Variants in CELSR1 observed in about 807,000 individuals in gnomAD.
CELSR1 encodes the protein adhesion G protein-coupled receptor C1.
CELSR1 carries 110 observed loss-of-function variants against 249.1 expected under a neutral mutation model. The observed-to-expected ratio is 0.44, with a 90% confidence interval of 0.38 to 0.52. CELSR1 has a LOEUF of 0.52. Among genes scored for constraint, CELSR1 ranks in the 20% least tolerant of loss-of-function variants. The pLI, the probability that CELSR1 is intolerant of heterozygous loss-of-function variation, is 0.00. For synonymous variants in CELSR1, 2,113 were observed against 1,900.0 expected (o/e 1.11, Z -2.92); for missense variants, 4,109 against 4,296.4 (o/e 0.96, Z 1.22).
In CELSR1 at chr22:46,374,929, C is replaced by T. The variant is rs1053412018; in HGVS notation, c.7585-1872G>A. Among the ~76,000 whole-genome samples the T allele has an allele frequency of 6.6e-6, 1 of 152,082 alleles. No homozygotes were observed. Among genetic ancestry groups the T allele is most frequent in the Non-Finnish European group, 1.5e-5 (1 of 68,014 alleles). On this transcript the variant is annotated intron_variant, in intron 24 of 34. Coordinates refer to ENST00000674500, the MANE Select transcript of CELSR1 (RefSeq NM_001378328.1). The surrounding 1 kb of genome is among the most constrained non-coding windows in gnomAD (Gnocchi z 4.3). ...GCCTCGGGAAGCACCTGGGAGGCGGCGGGGAAGGTTGGCCCTGGCTGGTCT... is the reference window on the plus strand; with the variant it reads ...GCCTCGGGAAGCACCTGGGAGGCGGTGGGGAAGGTTGGCCCTGGCTGGTCT...
At position 46,423,694 on chromosome 22, in the gene CELSR1, C is replaced by T. The variant is rs1175294149; in HGVS notation, c.4611+9699G>A. Among the ~76,000 whole-genome samples the T allele has an allele frequency of 2.6e-5, 4 of 151,416 alleles. No homozygotes were observed. Among genetic ancestry groups the T allele is most frequent in the Non-Finnish European group, 2.9e-5 (2 of 67,938 alleles). ...ATGAGCACTATTAACAAGTATGGGC[C>T]GGGTGCGGTGGCTCACGCCTATAAT... On this transcript the variant is annotated intron_variant, in intron 5 of 34. Coordinates refer to ENST00000674500, the MANE Select transcript of CELSR1 (RefSeq NM_001378328.1). This position sits in a 1 kb window ranked among gnomAD's most constrained non-coding sequence, Gnocchi z 5.6.
At position 46,520,912 on chromosome 22, in the gene CELSR1, C is replaced by A. The variant is rs1225989501; in HGVS notation, c.3544+12715G>T. ...TGTCCCCTCCCCACCCCCTGGCAAC[C>A]ACCATTCTACTTCCTGTCTCTATGA... On this transcript the variant is annotated intron_variant, in intron 1 of 34. Coordinates refer to ENST00000674500, the MANE Select transcript of CELSR1 (RefSeq NM_001378328.1). 3.3e-5 allele frequency among the ~76,000 whole-genome samples: 5 copies of A among 152,310 alleles called. No homozygotes were observed. The East Asian group carries it at 9.7e-4, about 29-fold the overall frequency.
At position 46,390,551 on chromosome 22, in the gene CELSR1, C is replaced by G. The variant is rs1325151025; in HGVS notation, c.6251-65G>C. The G allele has an allele frequency of 2.3e-6, 3 of 1,281,518 alleles. No homozygotes were observed. The African/African-American group carries it at 4.4e-5, about 19-fold the overall frequency. 79.4% of individuals were successfully genotyped at this position (1,281,518 alleles called of 1,614,324 possible). A position where few individuals can be genotyped will look rare whatever the true frequency, so the allele number is the denominator to read the frequency against. ...ACTGTTGATCAATGCTTGTGTATTTCAATCCACAATCTGAATATACTTAAA... is the reference window on the plus strand; with the variant it reads ...ACTGTTGATCAATGCTTGTGTATTTGAATCCACAATCTGAATATACTTAAA... On this transcript the variant is annotated intron_variant, in intron 16 of 34. Coordinates refer to ENST00000674500, the MANE Select transcript of CELSR1 (RefSeq NM_001378328.1). The surrounding 1 kb of genome is among the most constrained non-coding windows in gnomAD (Gnocchi z 6.3).
At chr22:46,497,561 T>C (rs1234485531) in intron 1 of CELSR1, among the ~76,000 whole-genome samples, 1 of 152,238 alleles carries the variant, frequency 6.6e-6, no homozygotes, top group Non-Finnish European at 1.5e-5. Flanking sequence ...TATGTCTGTG[T>C]ATTCTCCTGC....
chr22:46,398,502 G>T lies in CELSR1; in HGVS notation c.5526+22C>A. 1.2e-6 allele frequency: 1 copy of T among 833,882 alleles called. No homozygotes were observed. The highest frequency in any genetic ancestry group is 1.9e-6 in the Non-Finnish European group (1 of 517,414). 51.7% of individuals were successfully genotyped at this position (833,882 alleles called of 1,614,324 possible). A position where few individuals can be genotyped will look rare whatever the true frequency, so the allele number is the denominator to read the frequency against. On this transcript the variant is annotated intron_variant, in intron 11 of 34. Coordinates refer to ENST00000674500, the MANE Select transcript of CELSR1 (RefSeq NM_001378328.1). This position sits in a 1 kb window ranked among gnomAD's most constrained non-coding sequence, Gnocchi z 7.2. ...GCCTGTGAGGGGCAGGCCTCCCCCC[G>T]CCCCCCACAACCCCCACGCACCTGC...
At chr22:46,451,043 C>G (rs2079877788) in intron 2 of CELSR1, among the ~76,000 whole-genome samples, 1 of 152,204 alleles carries the variant, frequency 6.6e-6, no homozygotes, top group Non-Finnish European at 1.5e-5. Flanking sequence ...CCCCTCCATG[C>G]CCCACTCCCT....
intron 1 of CELSR1, among the ~76,000 whole-genome samples, chr22:46,502,017 C>G (rs2080470863): frequency 6.6e-6 from 1 of 151,990 alleles, no homozygotes; most frequent in South Asian, 2.1e-4. Context: ...GTAACCCCAG[C>G]ACCTTGGGAG....
Position 46,412,971 on chromosome 22 carries a change from C to T in CELSR1, c.4612-1212G>A, listed in dbSNP as rs951129419. 2.5e-4 allele frequency among the ~76,000 whole-genome samples: 38 copies of T among 152,314 alleles called. No individual in the cohort carries two copies. Among genetic ancestry groups the T allele is most frequent in the African/African-American group, 8.9e-4 (37 of 41,576 alleles). On this transcript the variant is annotated intron_variant, in intron 5 of 34. Transcript: ENST00000674500. This position sits in a 1 kb window ranked among gnomAD's most constrained non-coding sequence, Gnocchi z 4.5. ...GCGCAGCAGAGCCTCCCCCTCCACCCCAGAGAGAACCTTTTCTTCCAGTCC... is the reference window on the plus strand; with the variant it reads ...GCGCAGCAGAGCCTCCCCCTCCACCTCAGAGAGAACCTTTTCTTCCAGTCC...
At chr22:46,461,595 C>A (rs1255001283) in intron 2 of CELSR1, among the ~76,000 whole-genome samples, 1 of 152,234 alleles carries the variant, frequency 6.6e-6, no homozygotes, top group African/African-American at 2.4e-5. Context: ...GTGGTGGGTG[C>A]TTGCACAGTC....
At position 46,430,096 on chromosome 22, in the gene CELSR1, C is replaced by CT. The variant is rs2079577120; in HGVS notation, c.4611+3296dup. 6.6e-6 allele frequency among the ~76,000 whole-genome samples: 1 copy of CT among 152,218 alleles called. No homozygotes were observed. Among genetic ancestry groups the CT allele is most frequent in the African/African-American group, 2.4e-5 (1 of 41,448 alleles). ...CGTGGAGGCAGTGCAGGAGGCCACT[C>CT]TGACAGGCAACACCCGGGAGATCAT... On this transcript the variant is annotated intron_variant, in intron 5 of 34. Coordinates refer to ENST00000674500, the MANE Select transcript of CELSR1 (RefSeq NM_001378328.1). The surrounding 1 kb of genome is among the most constrained non-coding windows in gnomAD (Gnocchi z 4.6).
chr22:46,459,497 G>C (rs754754479), intron 2 of CELSR1, among the ~76,000 whole-genome samples: 2 of 152,190 alleles, frequency 1.3e-5, no homozygotes, highest in African/African-American at 4.8e-5. Flanking sequence ...AAACCTGGCC[G>C]GCCGTTGACC....
chr22:46,409,235 G>A lies in CELSR1; in HGVS notation c.5060-73C>T, dbSNP rs905313567. On this transcript the variant is annotated intron_variant, in intron 8 of 34. Coordinates refer to ENST00000674500, the MANE Select transcript of CELSR1 (RefSeq NM_001378328.1). The surrounding 1 kb of genome is among the most constrained non-coding windows in gnomAD (Gnocchi z 9.8). The stretch of plus-strand genomic sequence containing the variant: ...GCCGCGGACTTGGCTGCAGGGGCGG[G>A]GGATGGGCCTGCAGGCTAGGCCTGG... 13 of 1,515,388 alleles carry A rather than the reference G, an allele frequency of 8.6e-6. No homozygotes were observed. The African/African-American group carries it at 1.7e-4, about 19-fold the overall frequency. The allele number at this position is 1,515,388 out of a possible 1,614,324, so 93.9% of individuals were successfully genotyped here. A position where few individuals can be genotyped will look rare whatever the true frequency, so the allele number is the denominator to read the frequency against.
rs374203684 is a variant in CELSR1, at chr22:46,391,654, C to A, written c.6127G>T (p.Val2043Phe). The A allele has an allele frequency of 5.6e-6, 9 of 1,605,136 alleles. No individual in the cohort carries two copies. The highest frequency in any genetic ancestry group is 1.3e-5 in the African/African-American group (1 of 74,820). ...CNRCDNPFAE[V>F]TTLGCEVIYN... ...GGACCTTCACAGCCGAGCGTGGTGA[C>A]CTCGGCAAACGGGTTGTCGCAGCGG... The change falls in exon 15 of 35, where the codon GTC (valine) becomes TTC (phenylalanine). Residue 2043 changes from valine to phenylalanine, a missense_variant. Transcript: ENST00000674500. This position sits in a 1 kb window ranked among gnomAD's most constrained non-coding sequence, Gnocchi z 4.3.
In CELSR1 at chr22:46,389,813, G is replaced by A. The variant is rs188772893; in HGVS notation, c.6346-314C>T. On this transcript the variant is annotated intron_variant, in intron 17 of 34. Transcript: ENST00000674500. ...TTTTAAAAATAAAAAAATTAGCAGGGTGTGGTGGTGGGCACCTGTAAGTCC... is the reference window on the plus strand; with the variant it reads ...TTTTAAAAATAAAAAAATTAGCAGGATGTGGTGGTGGGCACCTGTAAGTCC... Among the ~76,000 whole-genome samples, 33 of 152,190 alleles carry A rather than the reference G, an allele frequency of 2.2e-4. 2 individuals carry two copies. In the East Asian group the frequency reaches 6.0e-3, roughly 28 times the overall value.
intron 18 of CELSR1, among the ~76,000 whole-genome samples, chr22:46,387,654 C>T (rs972498378): frequency 2.0e-5 from 3 of 152,238 alleles, no homozygotes; most frequent in Non-Finnish European, 2.9e-5. Context: ...CGACCGCGCC[C>T]GGCCAGAAGT....
In CELSR1 at chr22:46,365,252, C is replaced by T. The variant is rs542894795; in HGVS notation, c.8533G>A (p.Ala2845Thr). 50 of 1,612,156 alleles carry T rather than the reference C, an allele frequency of 3.1e-5. No individual in the cohort carries two copies. The South Asian group carries it at 3.4e-4, about 11-fold the overall frequency. Residue 2845 changes from alanine (A) to threonine (T), a missense_variant, in exon 32 of 35, where the codon GCC (alanine) becomes ACC (threonine). Transcript: ENST00000674500. The part of the protein sequence containing the change: ...AEEKWDPARG[A>T]VHSTPKGDAV... ...TCACCTTTGGGGGTGCTGTGGACGG[C>T]GCCCCTGGCCGGGTCCCATTTTTCC...
chr22:46,387,038 G>A (rs765151393), intron 18 of CELSR1, among the ~76,000 whole-genome samples: 2 of 152,048 alleles, frequency 1.3e-5, no homozygotes, highest in African/African-American at 2.4e-5. Context: ...GATTACAGGC[G>A]TGAGCCACCA....
At position 46,366,858 on chromosome 22, in the gene CELSR1, A is replaced by G. The variant is rs369114384; in HGVS notation, c.8205+135T>C. ...TTCTGACGCGGCAGCCACACCGTGC[A>G]CCGCGGGCGGCTCTGCCATCCCCAC... On this transcript the variant is annotated intron_variant, in intron 29 of 34. Coordinates refer to ENST00000674500, the MANE Select transcript of CELSR1 (RefSeq NM_001378328.1). 228 of 1,266,036 alleles carry G rather than the reference A, an allele frequency of 1.8e-4. No individual in the cohort carries two copies. The African/African-American group carries it at 3.1e-3, about 17-fold the overall frequency. 78.4% of individuals were successfully genotyped at this position (1,266,036 alleles called of 1,614,324 possible).
chr22:46,449,930 G>A (rs1258765244), intron 2 of CELSR1, among the ~76,000 whole-genome samples: 15 of 152,022 alleles, frequency 9.9e-5, no homozygotes, highest in Admixed American at 9.8e-4. Context: ...TGGCTCACGT[G>A]CTCACACACA....
Sources: gnomAD v4.1 joint callset for allele counts (sites outside exome capture counted in the v4.1 genomes callset) on GRCh38, gnomAD v4.1.1 for gene constraint, Gnocchi (gnomAD v3.1) non-coding constraint, MANE v1.5 for transcripts, NCBI Gene and HGNC (gene_info 2026-07-23, HGNC 2026-07-21) for gene names.